ADAM9: variants seen among roughly 807,000 people sequenced by gnomAD.
ADAM9 encodes ADAM metallopeptidase domain 9.
In ADAM9, 54 loss-of-function variants were observed where a neutral mutation model predicts 108.1. The observed-to-expected ratio is 0.50, with a 90% CI of 0.40 to 0.63. The LOEUF is 0.63. Among genes scored for constraint, ADAM9 ranks in the 20% least tolerant of loss-of-function variants. The pLI is 0.00. For synonymous variants in ADAM9, 316 were observed against 336.0 expected (o/e 0.94, Z 0.65); for missense variants, 830 against 997.7 (o/e 0.83, Z 2.26).
At chr8:39,100,653 C>T (rs1049194787) in intron 20 of ADAM9, among the ~76,000 whole-genome samples, 7 of 152,118 alleles carry the variant, frequency 4.6e-5, no homozygotes, top group African/African-American at 1.7e-4. Flanking sequence ...TTTCACAGTA[C>T]ATATAAATCA....
At chr8:39,063,920 T>C (rs1029276282) in intron 14 of ADAM9, among the ~76,000 whole-genome samples, 1 of 152,144 alleles carries the variant, frequency 6.6e-6, no homozygotes, top group Non-Finnish European at 1.5e-5. Context: ...TAGGTTTGAT[T>C]TTCAACAATC....
chr8:39,089,623 G>A (rs1424621039), intron 18 of ADAM9, among the ~76,000 whole-genome samples: 2 of 152,172 alleles, frequency 1.3e-5, no homozygotes, highest in African/African-American at 4.8e-5. Flanking sequence ...GTGTTTATCA[G>A]TAGGGTACAA....
At chr8:39,054,705 A>G in intron 13 of ADAM9, 132 bp downstream of exon 13, 2 of 700,440 alleles carry the variant, frequency 2.9e-6, no homozygotes, top group East Asian at 2.8e-5. Flanking sequence ...GAAAAATTTT[A>G]TGCCACTTGT....
At chr8:39,065,544 C>T (rs527561350) in intron 14 of ADAM9, among the ~76,000 whole-genome samples, 46 of 151,466 alleles carry the variant, frequency 3.0e-4, no homozygotes, top group African/African-American at 1.1e-3. Context: ...CCTGTATTCC[C>T]AGCTACTCGG....
At chr8:39,100,060 A>G (rs1839639398) in intron 20 of ADAM9, among the ~76,000 whole-genome samples, 1 of 149,880 alleles carries the variant, frequency 6.7e-6, no homozygotes, top group African/African-American at 2.5e-5. Context: ...TTTTGTAGAG[A>G]CGGGGTTTTG....
At chr8:39,028,523 A>C (rs533567447) in intron 11 of ADAM9, among the ~76,000 whole-genome samples, 1 of 152,360 alleles carries the variant, frequency 6.6e-6, no homozygotes, top group African/African-American at 2.4e-5. Flanking sequence ...GAGATAAGTC[A>C]TAGATTAAAA....
rs1564256520 is a variant in ADAM9 at position 39,023,209 on chromosome 8, C to CA, written c.800dup (p.Asn267LysfsTer13). ...TGCTAGTTGGACTGGAGATTTGGAC[C>CA]AATGGAAACCTGATCAACATAGTTG... On this transcript the variant is annotated frameshift_variant, in exon 9 of 22. Coordinates refer to ENST00000487273, the MANE Select transcript of ADAM9 (RefSeq NM_003816.3). LOFTEE classifies it high-confidence loss of function. 6.2e-7 allele frequency: 1 copy of CA among 1,613,468 alleles called. No homozygotes were observed. The highest frequency in any genetic ancestry group is 1.3e-5 in the African/African-American group (1 of 74,752).
intron 12 of ADAM9, among the ~76,000 whole-genome samples, chr8:39,054,228 T>G (rs535626607): frequency 6.6e-6 from 1 of 152,236 alleles, no homozygotes; most frequent in South Asian, 2.1e-4. Context: ...CCTGTGGTAT[T>G]TTGTTATGGC....
rs907508099 is a variant in ADAM9, at chr8:39,008,003, A to C, written c.195+20A>C. The C allele has an allele frequency of 2.0e-6, 3 of 1,534,680 alleles. No individual in the cohort carries two copies. In the African/African-American group the frequency reaches 4.1e-5, roughly 21 times the overall value. On this transcript the variant is annotated intron_variant, in intron 2 of 21. Transcript: ENST00000487273. ...AAACAAGTAAGTTATAATTGTTGAG[A>C]AATAATATGTGGTTAATTTTTTTCT...
Position 39,014,470 on chromosome 8 carries a change from G to T in ADAM9, c.333+427G>T, listed in dbSNP as rs369082153. 188 of 672,228 alleles carry T rather than the reference G, an allele frequency of 2.8e-4. 1 individual carries two copies. Among genetic ancestry groups the T allele is most frequent in the East Asian group, 2.0e-3 (73 of 36,852 alleles). The allele number at this position is 672,228 out of a possible 1,614,324, so 41.6% of individuals were successfully genotyped here. On this transcript the variant is annotated intron_variant, in intron 4 of 21. Coordinates refer to ENST00000487273, the MANE Select transcript of ADAM9 (RefSeq NM_003816.3). ...TGTTCTAATGTTCTAAATTTTTTCT[G>T]AAAATAATTGTTTCCTAAAAGAGGT... is the stretch of plus-strand genomic sequence containing the variant.
At chr8:39,058,522 C>G (rs1240607433) in intron 14 of ADAM9, among the ~76,000 whole-genome samples, 2 of 152,056 alleles carry the variant, frequency 1.3e-5, no homozygotes, top group Non-Finnish European at 2.9e-5. Context: ...TAAGAGATGC[C>G]CTAAGGGATC....
intron 15 of ADAM9, among the ~76,000 whole-genome samples, chr8:39,073,398 A>G (rs1362360413): frequency 1.3e-5 from 2 of 152,208 alleles, no homozygotes; most frequent in Non-Finnish European, 2.9e-5. Flanking sequence ...CTTGGAGGGC[A>G]TTAGCAAATT....
chr8:39,008,077 G>A, intron 2 of ADAM9, 94 bp downstream of exon 2: 2 of 915,240 alleles, frequency 2.2e-6, no homozygotes, highest in South Asian at 1.4e-5. Flanking sequence ...TCAGTTCAGT[G>A]AGTTATTACT....
intron 16 of ADAM9, among the ~76,000 whole-genome samples, chr8:39,079,934 A>G (rs1838968379): frequency 6.6e-6 from 1 of 152,216 alleles, no homozygotes; most frequent in South Asian, 2.1e-4. Flanking sequence ...TCTTGGTTTC[A>G]TGTCATGTTT....
intron 12 of ADAM9, among the ~76,000 whole-genome samples, chr8:39,050,822 TTGGAAG>T (rs1400349887): frequency 5.6e-5 from 8 of 144,018 alleles, no homozygotes; most frequent in Non-Finnish European, 1.2e-4. Flanking sequence ...AGGGAAAAGC[TTGGAAG>T]TGTTTTTTTT....
intron 16 of ADAM9, among the ~76,000 whole-genome samples, chr8:39,078,339 G>A (rs147844095): frequency 1.0e-3 from 148 of 145,572 alleles, no homozygotes; most frequent in Middle Eastern, 3.7e-3. Flanking sequence ...TCCCAGCCTA[G>A]GCAGCAGAGG....
intron 20 of ADAM9, among the ~76,000 whole-genome samples, chr8:39,092,013 C>T (rs12541231): frequency 0.24 from 35,866 of 151,962 alleles, 4,544 homozygotes; most frequent in South Asian, 0.31. Flanking sequence ...TTGGATCGGC[C>T]TAATTGTCTA....
In ADAM9 at chr8:39,096,339, C is replaced by CAT. The variant is rs1269081526; in HGVS notation, c.2298+4998_2298+4999dup. On this transcript the variant is annotated intron_variant, in intron 20 of 21. Transcript: ENST00000487273. ...TTTCCTTTGTGCATATTCTATAGCA[C>CAT]ATATATTGTGATATCTTTGCAATTA... Among the ~76,000 whole-genome samples the CAT allele has an allele frequency of 5.6e-5, 7 of 126,022 alleles. 1 individual carries two copies. The highest frequency in any genetic ancestry group is 7.6e-5 in the African/African-American group (3 of 39,728). The allele number at this position is 126,022 out of a possible 152,430, so 82.7% of individuals were successfully genotyped here. A position where few individuals can be genotyped will look rare whatever the true frequency, so the allele number is the denominator to read the frequency against.
At chr8:39,007,252 C>A (rs1002001221) in intron 1 of ADAM9, among the ~76,000 whole-genome samples, 1 of 152,126 alleles carries the variant, frequency 6.6e-6, no homozygotes, top group Non-Finnish European at 1.5e-5. Context: ...AACAAGAACT[C>A]TTTCTCCTAC....
Sources: gnomAD v4.1 joint callset for allele counts (sites outside exome capture counted in the v4.1 genomes callset) on GRCh38, gnomAD v4.1.1 for gene constraint, MANE v1.5 for transcripts, NCBI Gene and HGNC (gene_info 2026-07-23, HGNC 2026-07-21) for gene names.